Variants in TANK observed in about 807,000 individuals in gnomAD.
TANK encodes TRAF family member-associated NF-kappa-B activator.
Under a neutral mutation model 43.6 loss-of-function variants are expected in TANK, and 15 were observed. The observed-to-expected ratio is 0.34, with a 90% CI of 0.23 to 0.53. The LOEUF is 0.53. Ranked by LOEUF, TANK falls within the 20% of genes least tolerant of loss-of-function variation. TANK has a pLI of 0.94. For missense variants in TANK, 417 were observed against 498.6 expected, an observed-to-expected ratio of 0.84 and a Z score of 1.56; for synonymous variants, 162 against 178.2, an observed-to-expected ratio of 0.91 and a Z score of 0.73.
At chr2:161,174,582 A>G (rs1323357373) in intron 1 of TANK, among the ~76,000 whole-genome samples, 1 of 152,180 alleles carries the variant, frequency 6.6e-6, no homozygotes, top group Non-Finnish European at 1.5e-5. Context: ...AAAAGTTTTT[A>G]TGTTGTGTAT....
At chr2:161,196,246 G>A (rs1338006512) in intron 2 of TANK, among the ~76,000 whole-genome samples, 1 of 152,196 alleles carries the variant, frequency 6.6e-6, no homozygotes, top group African/African-American at 2.4e-5. Flanking sequence ...GGGTAGAGAG[G>A]AGAGATGAGA....
At chr2:161,139,273 T>C (rs1573934074) in intron 1 of TANK, among the ~76,000 whole-genome samples, 1 of 152,332 alleles carries the variant, frequency 6.6e-6, no homozygotes, top group East Asian at 1.9e-4. Flanking sequence ...ATTTCCCTAG[T>C]GGTTAACATT....
intron 2 of TANK, among the ~76,000 whole-genome samples, chr2:161,181,432 A>G (rs1037044080): frequency 2.0e-4 from 30 of 152,104 alleles, no homozygotes; most frequent in African/African-American, 7.0e-4. Context: ...AAAAACAACA[A>G]CAACAACAAA....
rs899344724 is a variant in TANK at position 161,235,468 on chromosome 2, A to G, written c.1228A>G (p.Arg410Gly). 18 of 1,613,826 alleles carry G rather than the reference A, an allele frequency of 1.1e-5. No individual in the cohort carries two copies. Among genetic ancestry groups the G allele is most frequent in the Non-Finnish European group, 1.4e-5 (16 of 1,179,938 alleles). The change falls in exon 8 of 8, where the codon AGG becomes GGG. Residue 410 changes from arginine to glycine, a missense_variant. By Grantham distance (125) the Arg-to-Gly change is moderately radical. Transcript: ENST00000392749. Reference sequence around the variant, plus strand: ...AGTTTTCCCACCATCCATTACATCCAGGGGGGATTTCCTTCGGCATCTTAA... The same window carrying G: ...AGTTTTCCCACCATCCATTACATCCGGGGGGGATTTCCTTCGGCATCTTAA... Reference protein sequence around the residue: ...QAVFPPSITSRGDFLRHLNSH... With the variant: ...QAVFPPSITSGGDFLRHLNSH...
chr2:161,233,894 T>C (rs751237241), intron 7 of TANK, among the ~76,000 whole-genome samples: 1 of 152,172 alleles, frequency 6.6e-6, no homozygotes, highest in Non-Finnish European at 1.5e-5. Context: ...AAGTTAACTC[T>C]AACTAGATTT....
Position 161,171,415 on chromosome 2 carries a change from T to A in TANK, c.-49-8199T>A, listed in dbSNP as rs181992441. On this transcript the variant is annotated intron_variant, in intron 1 of 7. Coordinates refer to ENST00000392749, the MANE Select transcript of TANK (RefSeq NM_001199135.3). ...ATTTTTTCATTAGAGTTCTCACAAT[T>A]ACTTCTAATAAAACAAGTTGTGACT... Among the ~76,000 whole-genome samples the A allele has an allele frequency of 2.3e-3, 353 of 152,334 alleles. 2 individuals carry two copies. Among genetic ancestry groups the A allele is most frequent in the African/African-American group, 8.0e-3 (332 of 41,580 alleles).
chr2:161,207,967 A>C (rs995232845), intron 4 of TANK: 4 of 895,042 alleles, frequency 4.5e-6, no homozygotes, highest in Non-Finnish European at 5.3e-6. Flanking sequence ...TTCCCAATCA[A>C]TTGGCCTAGC....
chr2:161,154,745 C>T (rs892582964), intron 1 of TANK, among the ~76,000 whole-genome samples: 2 of 151,464 alleles, frequency 1.3e-5, no homozygotes, highest in African/African-American at 4.8e-5. Flanking sequence ...ATTAAGCATA[C>T]ACTTTTTTTT....
At chr2:161,163,033 T>C (rs112148331) in intron 1 of TANK, 1 of 152,192 alleles carries the variant, frequency 6.6e-6, no homozygotes, top group Non-Finnish European at 1.5e-5. Context: ...AAGTATATAT[T>C]GGTTCCTTTG....
chr2:161,232,510 G>C (rs1219954888), intron 7 of TANK, among the ~76,000 whole-genome samples: 3 of 152,210 alleles, frequency 2.0e-5, no homozygotes, highest in Non-Finnish European at 2.9e-5. Context: ...GTAGTGGGAA[G>C]AACTAGGCAT....
chr2:161,160,358 A>T (rs1302009671), upstream of TANK: 1 of 1,110,412 alleles, frequency 9.0e-7, no homozygotes, highest in Non-Finnish European at 1.1e-6. Flanking sequence ...GGTGGAGGTG[A>T]AGAGTTAATG....
intron 6 of TANK, among the ~76,000 whole-genome samples, chr2:161,225,758 C>T (rs1687582187): frequency 6.6e-6 from 1 of 152,176 alleles, no homozygotes; most frequent in Non-Finnish European, 1.5e-5. Context: ...AATTAAAGAT[C>T]ACTTTCCATT....
intron 4 of TANK, among the ~76,000 whole-genome samples, chr2:161,220,201 AAACT>A (rs1165339903): frequency 1.3e-5 from 2 of 152,240 alleles, no homozygotes; most frequent in Non-Finnish European, 2.9e-5. Context: ...GTATCATTGA[AAACT>A]AACCTTCTTT....
At chr2:161,139,992 T>C (rs1683696164) in intron 1 of TANK, 3 of 886,308 alleles carry the variant, frequency 3.4e-6, no homozygotes, top group South Asian at 5.2e-5. Context: ...CTAAGAATTT[T>C]TAATATTCAT....
chr2:161,212,873 T>C, intron 4 of TANK: 3 of 730,168 alleles, frequency 4.1e-6, no homozygotes, highest in Non-Finnish European at 3.3e-6. Context: ...GGCTGGGGAT[T>C]TATAAAGAAA....
intron 4 of TANK, among the ~76,000 whole-genome samples, chr2:161,221,544 A>G (rs1687342552): frequency 6.6e-6 from 1 of 152,188 alleles, no homozygotes; most frequent in African/African-American, 2.4e-5. Context: ...ATCCTTTGAA[A>G]AATTAATGAT....
At chr2:161,178,016 G>C (rs1051956203) in intron 1 of TANK, among the ~76,000 whole-genome samples, 24 of 152,130 alleles carry the variant, frequency 1.6e-4, no homozygotes, top group African/African-American at 5.5e-4. Flanking sequence ...TGGACTATAA[G>C]AAGTATTGGT....
intron 1 of TANK, among the ~76,000 whole-genome samples, chr2:161,178,433 G>A (rs1207904110): frequency 6.6e-6 from 1 of 151,556 alleles, no homozygotes; most frequent in Non-Finnish European, 1.5e-5. Flanking sequence ...CCATTTATAT[G>A]CAGTGTCAAA....
intron 1 of TANK, among the ~76,000 whole-genome samples, chr2:161,141,298 A>G (rs1683739785): frequency 1.3e-5 from 2 of 152,144 alleles, no homozygotes; most frequent in Admixed American, 6.6e-5. Context: ...TGTTTCATAT[A>G]AGTGAAACCA....
Sources: allele counts gnomAD v4.1 joint callset (sites outside exome capture counted in the v4.1 genomes callset), GRCh38; gene constraint gnomAD v4.1.1; transcripts MANE v1.5; gene names NCBI Gene and HGNC (gene_info 2026-07-23, HGNC 2026-07-21).